The following SMIM15 variants were observed in gnomAD, a reference collection of about 807,000 sequenced individuals.
SMIM15 encodes the protein UPF0542 protein C5orf43.
A neutral mutation model predicts 6.8 loss-of-function variants in SMIM15; 5 were observed. The ratio of observed to expected loss-of-function variants is 0.74; its 90% confidence interval spans 0.39 to 1.56. The LOEUF is 1.56. SMIM15 is among the 40% of genes most tolerant of loss of function. The probability of loss-of-function intolerance (pLI) is 0.03; values close to 1 mark genes in which losing one functional copy is unlikely to be tolerated. For synonymous variants in SMIM15, 30 were observed against 30.8 expected (o/e 0.97, Z 0.09); for missense variants, 81 against 84.8 (o/e 0.96, Z 0.18).
chr5:61,158,510 A>T lies in SMIM15; in HGVS notation c.*1437T>A, dbSNP rs1741360564. The T allele has an allele frequency of 6.6e-6, 1 of 151,906 alleles. No homozygotes were observed. Among genetic ancestry groups the T allele is most frequent in the Non-Finnish European group, 1.5e-5 (1 of 67,966 alleles). The allele number at this position is 151,906 out of a possible 1,614,324, so 9.4% of individuals were successfully genotyped here. A position where few individuals can be genotyped will look rare whatever the true frequency, so the allele number is the denominator to read the frequency against. ...GATACAGTCCTGAAATTTTACAAGT[A>T]TGCTTAGCTGTAACTGAAATTCTAA... is the stretch of plus-strand genomic sequence containing the variant. On this transcript the variant is annotated 3_prime_UTR_variant, in exon 3 of 3. Coordinates refer to ENST00000339020, the MANE Select transcript of SMIM15 (RefSeq NM_001048249.4).
intron 1 of SMIM15, among the ~76,000 whole-genome samples, chr5:61,161,892 TC>T (rs1741424681): frequency 6.6e-6 from 1 of 152,192 alleles, no homozygotes; most frequent in East Asian, 1.9e-4. Flanking sequence ...CTGAGATCGA[TC>T]TGCCTTCACC....
At position 61,162,177 on chromosome 5, in the gene SMIM15, ATTCC is replaced by A. The variant is rs1210700901; in HGVS notation, c.-169+36_-169+39del. 2 of 152,374 alleles carry A rather than the reference ATTCC, an allele frequency of 1.3e-5. No individual in the cohort carries two copies. The highest frequency in any genetic ancestry group is 4.8e-5 in the African/African-American group (2 of 41,396). The allele number at this position is 152,374 out of a possible 1,614,324, so 9.4% of individuals were successfully genotyped here. A position where few individuals can be genotyped will look rare whatever the true frequency, so the allele number is the denominator to read the frequency against. ...GCACTTCCTCCTTTGTCTTTCCCTT[ATTCC>A]TTACGTTTCTCCCTTGCTCACTCTT... On this transcript the variant is annotated intron_variant, in intron 1 of 2. Transcript: ENST00000339020. This position sits in a 1 kb window ranked among gnomAD's most constrained non-coding sequence, Gnocchi z 4.4.
chr5:61,157,824 T>C lies in SMIM15; in HGVS notation c.*2123A>G, dbSNP rs1741348134. 1.3e-5 allele frequency: 2 copies of C among 152,152 alleles called. No individual in the cohort carries two copies. The highest frequency in any genetic ancestry group is 4.8e-5 in the African/African-American group (2 of 41,428). 9.4% of individuals were successfully genotyped at this position (152,152 alleles called of 1,614,324 possible). ...CCAGCTTTAGAATGGTAATTGATTG[T>C]ACTTAGTTCTCAGAACTTCAGAAAC... On this transcript the variant is annotated 3_prime_UTR_variant, in exon 3 of 3. Transcript: ENST00000339020.
intron 2 of SMIM15, among the ~76,000 whole-genome samples, chr5:61,160,605 T>C (rs545070406): frequency 6.6e-6 from 1 of 152,200 alleles, no homozygotes; most frequent in African/African-American, 2.4e-5. Flanking sequence ...TTTTGACATA[T>C]CCTTAGTATT....
In SMIM15 at chr5:61,159,839, A is replaced by C. The variant is rs1473320379; in HGVS notation, c.*108T>G. 2 of 1,238,130 alleles carry C rather than the reference A, an allele frequency of 1.6e-6. No individual in the cohort carries two copies. Among genetic ancestry groups the C allele is most frequent in the Non-Finnish European group, 2.2e-6 (2 of 895,672 alleles). The allele number at this position is 1,238,130 out of a possible 1,614,324, so 76.7% of individuals were successfully genotyped here. On this transcript the variant is annotated 3_prime_UTR_variant, in exon 3 of 3. Coordinates refer to ENST00000339020, the MANE Select transcript of SMIM15 (RefSeq NM_001048249.4). The stretch of plus-strand genomic sequence containing the variant: ...TCTTCCATTTGGTCAAATTTCATTT[A>C]CTAAATCATACTGTCAAGAAATCCA...
rs1298828282 is a variant in SMIM15, at chr5:61,159,922, C to G, written c.*25G>C. 8 of 1,609,232 alleles carry G rather than the reference C, an allele frequency of 5.0e-6. No homozygotes were observed. Among genetic ancestry groups the G allele is most frequent in the Non-Finnish European group, 6.8e-6 (8 of 1,178,648 alleles). On this transcript the variant is annotated 3_prime_UTR_variant, in exon 3 of 3. Transcript: ENST00000339020. ...GTGTAATTTTCCAAATGATTTTCCTCTGGTTGCAAAGCCTGTTCAGTCCTT... is the reference window on the plus strand; with the variant it reads ...GTGTAATTTTCCAAATGATTTTCCTGTGGTTGCAAAGCCTGTTCAGTCCTT...
rs971029416 is a variant in SMIM15, at chr5:61,159,933, G to C, written c.*14C>G. On this transcript the variant is annotated 3_prime_UTR_variant, in exon 3 of 3. Coordinates refer to ENST00000339020, the MANE Select transcript of SMIM15 (RefSeq NM_001048249.4). ...CAAATGATTTTCCTCTGGTTGCAAA[G>C]CCTGTTCAGTCCTTCAATCCTTTTT... The C allele has an allele frequency of 3.7e-6, 6 of 1,611,266 alleles. No individual in the cohort carries two copies. The African/African-American group carries it at 6.7e-5, about 18-fold the overall frequency.
At chr5:61,160,398 A>C (rs1197753879) in intron 2 of SMIM15, among the ~76,000 whole-genome samples, 199 bp from the exon 3 acceptor site, 2 of 152,240 alleles carry the variant, frequency 1.3e-5, no homozygotes, top group Non-Finnish European at 2.9e-5. Context: ...TAATTCATCT[A>C]GTACAGCCAG....
rs1354031134 is a variant in SMIM15, at chr5:61,158,497, A to C, written c.*1450T>G. ...TTAGGTTCTGAGAGATACAGTCCTG[A>C]AATTTTACAAGTATGCTTAGCTGTA... On this transcript the variant is annotated 3_prime_UTR_variant, in exon 3 of 3. Coordinates refer to ENST00000339020, the MANE Select transcript of SMIM15 (RefSeq NM_001048249.4). The C allele has an allele frequency of 1.3e-5, 2 of 152,050 alleles. No individual in the cohort carries two copies. The highest frequency in any genetic ancestry group is 2.9e-5 in the Non-Finnish European group (2 of 67,986). 9.4% of individuals were successfully genotyped at this position (152,050 alleles called of 1,614,324 possible). A position where few individuals can be genotyped will look rare whatever the true frequency, so the allele number is the denominator to read the frequency against.
Position 61,160,240 on chromosome 5 carries a change from A to G in SMIM15, c.-28-41T>C. ...GGAGAACACAGAGGAAAAAAACAGG[A>G]GAAAAGACTATGTGGTTAATCAAAT... is the stretch of plus-strand genomic sequence containing the variant. On this transcript the variant is annotated intron_variant, in intron 2 of 2. Coordinates refer to ENST00000339020, the MANE Select transcript of SMIM15 (RefSeq NM_001048249.4). 8 of 1,431,976 alleles carry G rather than the reference A, an allele frequency of 5.6e-6. No homozygotes were observed. In the South Asian group the frequency reaches 7.7e-5, roughly 14 times the overall value. The allele number at this position is 1,431,976 out of a possible 1,614,324, so 88.7% of individuals were successfully genotyped here.
At position 61,159,010 on chromosome 5, in the gene SMIM15, C is replaced by G. The variant is rs1467245275; in HGVS notation, c.*937G>C. ...AAGAAATGTGAAATTTAACGTTTTA[C>G]TTTGAACCTGTTTGATCAGAAAGTA... is the stretch of plus-strand genomic sequence containing the variant. On this transcript the variant is annotated 3_prime_UTR_variant, in exon 3 of 3. Transcript: ENST00000339020. The G allele has an allele frequency of 6.6e-6, 1 of 152,172 alleles. No homozygotes were observed. Among genetic ancestry groups the G allele is most frequent in the Non-Finnish European group, 1.5e-5 (1 of 68,016 alleles). 9.4% of individuals were successfully genotyped at this position (152,172 alleles called of 1,614,324 possible).
Position 61,159,825 on chromosome 5 carries a change from G to C in SMIM15, c.*122C>G. 1.8e-6 allele frequency: 2 copies of C among 1,124,676 alleles called. No individual in the cohort carries two copies. Among genetic ancestry groups the C allele is most frequent in the Non-Finnish European group, 2.5e-6 (2 of 799,802 alleles). 69.7% of individuals were successfully genotyped at this position (1,124,676 alleles called of 1,614,324 possible). On this transcript the variant is annotated 3_prime_UTR_variant, in exon 3 of 3. Transcript: ENST00000339020. ...AGAACTAACATGATTCTTCCATTTG[G>C]TCAAATTTCATTTACTAAATCATAC...
At chr5:61,160,691 A>C (rs1031204626) in intron 2 of SMIM15, among the ~76,000 whole-genome samples, 1 of 152,252 alleles carries the variant, frequency 6.6e-6, no homozygotes, top group African/African-American at 2.4e-5. Context: ...AAATGCTCGC[A>C]GAGAAGGAGA....
rs540511021 is a variant in SMIM15 at position 61,159,882 on chromosome 5, G to T, written c.*65C>A. 1.3e-4 allele frequency: 201 copies of T among 1,547,560 alleles called. No homozygotes were observed. The highest frequency in any genetic ancestry group is 1.3e-4 in the Admixed American group (7 of 55,884). The stretch of plus-strand genomic sequence containing the variant: ...GAAATCCAAAGAAGAAACTTTAGTG[G>T]ATTCTTCCAAAGCTGTGTAATTTTC... On this transcript the variant is annotated 3_prime_UTR_variant, in exon 3 of 3. Transcript: ENST00000339020.
At position 61,162,185 on chromosome 5, in the gene SMIM15, C is replaced by G. The variant is rs1207324311; in HGVS notation, c.-169+32G>C. The stretch of plus-strand genomic sequence containing the variant: ...TCCTTTGTCTTTCCCTTATTCCTTA[C>G]GTTTCTCCCTTGCTCACTCTTCCCT... On this transcript the variant is annotated intron_variant, in intron 1 of 2. Coordinates refer to ENST00000339020, the MANE Select transcript of SMIM15 (RefSeq NM_001048249.4). The surrounding 1 kb of genome is among the most constrained non-coding windows in gnomAD (Gnocchi z 4.4). The G allele has an allele frequency of 1.3e-5, 2 of 152,258 alleles. No individual in the cohort carries two copies. The highest frequency in any genetic ancestry group is 2.9e-5 in the Non-Finnish European group (2 of 68,244). 9.4% of individuals were successfully genotyped at this position (152,258 alleles called of 1,614,324 possible). A position where few individuals can be genotyped will look rare whatever the true frequency, so the allele number is the denominator to read the frequency against.
chr5:61,160,752 G>A lies in SMIM15; in HGVS notation c.-29+336C>T, dbSNP rs950966809. On this transcript the variant is annotated intron_variant, in intron 2 of 2. Coordinates refer to ENST00000339020, the MANE Select transcript of SMIM15 (RefSeq NM_001048249.4). ...GAGAGGGTAAGGGAGTCATGACATC[G>A]CATTAATATGCCAAAGAAGCAAAAA... Among the ~76,000 whole-genome samples, 10 of 152,184 alleles carry A rather than the reference G, an allele frequency of 6.6e-5. 1 individual carries two copies. Among genetic ancestry groups the A allele is most frequent in the South Asian group, 4.1e-4 (2 of 4,830 alleles).
In SMIM15 at chr5:61,160,101, G is replaced by A. The variant is rs1363169934; in HGVS notation, c.71C>T (p.Thr24Ile). The change falls in exon 3 of 3, where the codon ACA (threonine) becomes ATA (isoleucine). Residue 24 changes from threonine to isoleucine, a missense_variant. By Grantham distance (89) the Thr-to-Ile change is moderately conservative (BLOSUM62 -1). Coordinates refer to ENST00000339020, the MANE Select transcript of SMIM15 (RefSeq NM_001048249.4). ...TGGAGTAAGGGCCAAAATAACGGTT[G>A]TAAGGAAGCCATAGGGGTCCTTTGC... ...WAAKDPYGFL[T>I]TVILALTPLF... 1.2e-6 allele frequency: 2 copies of A among 1,614,026 alleles called. No homozygotes were observed. The highest frequency in any genetic ancestry group is 2.2e-5 in the East Asian group (1 of 44,900).
intron 1 of SMIM15, among the ~76,000 whole-genome samples, chr5:61,161,471 A>G (rs993550059): frequency 6.6e-6 from 1 of 152,186 alleles, no homozygotes; most frequent in African/African-American, 2.4e-5. Context: ...TTATTTCAAT[A>G]ATAAAATTTT....
At chr5:61,160,968 C>G (rs1216265565) in intron 2 of SMIM15, 120 bp downstream of exon 2, 2 of 152,168 alleles carry the variant, frequency 1.3e-5, no homozygotes, top group Non-Finnish European at 2.9e-5. Context: ...AGGCTTTTCT[C>G]CCTTTCATGT....
Sources: allele counts gnomAD v4.1 joint callset (sites outside exome capture counted in the v4.1 genomes callset), GRCh38; gene constraint gnomAD v4.1.1; non-coding constraint Gnocchi (gnomAD v3.1); transcripts MANE v1.5; gene names NCBI Gene and HGNC (gene_info 2026-07-23, HGNC 2026-07-21).